PDZRN4: variants seen among roughly 807,000 people sequenced by gnomAD.
The protein encoded by PDZRN4 is PDZ domain containing ring finger 4, also known as PDZ domain-containing RING finger protein 4.
Under a neutral mutation model 99.0 loss-of-function variants are expected in PDZRN4, and 70 were observed. The ratio of observed to expected loss-of-function variants is 0.71; its 90% CI spans 0.58 to 0.86. PDZRN4 has a LOEUF of 0.86. PDZRN4 is among the 40% of genes least tolerant of loss of function. PDZRN4 has a pLI of 0.00. For synonymous variants in PDZRN4, 551 were observed against 501.6 expected, an observed-to-expected ratio of 1.10 and a Z score of -1.32; for missense variants, 1,474 against 1,331.2, an observed-to-expected ratio of 1.11 and a Z score of -1.67.
chr12:41,449,438 C>T (rs1248860120), intron 3 of PDZRN4, among the ~76,000 whole-genome samples: 2 of 152,126 alleles, frequency 1.3e-5, no homozygotes, highest in African/African-American at 2.4e-5. Flanking sequence ...AGGTGCATGA[C>T]TAAATACTAA....
At chr12:41,306,901 C>G (rs1433952507) in intron 3 of PDZRN4, among the ~76,000 whole-genome samples, 2 of 152,182 alleles carry the variant, frequency 1.3e-5, no homozygotes, top group African/African-American at 4.8e-5. Context: ...CTCCTCAGAA[C>G]AGCTTTTACC....
At chr12:41,482,512 G>T (rs1308102907) in intron 3 of PDZRN4, among the ~76,000 whole-genome samples, 1 of 152,082 alleles carries the variant, frequency 6.6e-6, no homozygotes, top group Admixed American at 6.6e-5. Context: ...ACTTAAAGTG[G>T]CAGGATCCAT....
At chr12:41,450,947 C>T (rs184322745) in intron 3 of PDZRN4, among the ~76,000 whole-genome samples, 1 of 151,892 alleles carries the variant, frequency 6.6e-6, no homozygotes, top group Non-Finnish European at 1.5e-5. Flanking sequence ...AAACAAACTA[C>T]ATATATGTAT....
chr12:41,348,254 G>C (rs1177412673), intron 3 of PDZRN4, among the ~76,000 whole-genome samples: 2 of 152,078 alleles, frequency 1.3e-5, no homozygotes, highest in African/African-American at 4.8e-5. Flanking sequence ...CTGTGCTGTA[G>C]AGCAGCACTT....
chr12:41,470,916 A>T (rs1472143262), intron 3 of PDZRN4, among the ~76,000 whole-genome samples: 1 of 152,228 alleles, frequency 6.6e-6, no homozygotes, highest in Non-Finnish European at 1.5e-5. Context: ...AGAACTAGCC[A>T]TAGCAGCCAT....
chr12:41,511,706 T>C (rs1592091585), intron 5 of PDZRN4, among the ~76,000 whole-genome samples: 1 of 152,164 alleles, frequency 6.6e-6, no homozygotes, highest in East Asian at 1.9e-4. Context: ...TGCCCAGTAC[T>C]CCTCAGTCTG....
chr12:41,325,688 T>A (rs1454219778), intron 3 of PDZRN4, among the ~76,000 whole-genome samples: 1 of 152,208 alleles, frequency 6.6e-6, no homozygotes, highest in Non-Finnish European at 1.5e-5. Context: ...AGTTTAACTA[T>A]TGATCTGTCT....
chr12:41,554,398 T>C (rs1939109127), intron 6 of PDZRN4, among the ~76,000 whole-genome samples: 1 of 152,180 alleles, frequency 6.6e-6, no homozygotes, highest in Non-Finnish European at 1.5e-5. Context: ...GATCTGAACA[T>C]ATGTACTTGG....
chr12:41,469,680 C>A (rs1042543788), intron 3 of PDZRN4, among the ~76,000 whole-genome samples: 3 of 152,116 alleles, frequency 2.0e-5, no homozygotes, highest in Admixed American at 6.5e-5. Flanking sequence ...GCCTGTAATC[C>A]CAGCACTTTG....
intron 1 of PDZRN4, among the ~76,000 whole-genome samples, chr12:41,189,747 C>T (rs1041848000): frequency 6.6e-6 from 1 of 152,146 alleles, no homozygotes; most frequent in African/African-American, 2.4e-5. Context: ...CTAAATAAGC[C>T]TTCCTTGCCT....
chr12:41,204,582 A>C (rs1031487245), intron 3 of PDZRN4, among the ~76,000 whole-genome samples: 5 of 152,028 alleles, frequency 3.3e-5, no homozygotes, highest in African/African-American at 1.2e-4. Flanking sequence ...CCTTCTTCAC[A>C]AGGCAGCAGG....
chr12:41,290,267 A>G (rs1215110256), intron 3 of PDZRN4, among the ~76,000 whole-genome samples: 1 of 152,208 alleles, frequency 6.6e-6, no homozygotes, highest in African/African-American at 2.4e-5. Context: ...CAAAATATCA[A>G]ATATGTTTAA....
chr12:41,340,779 T>C (rs1053622925), intron 3 of PDZRN4, among the ~76,000 whole-genome samples: 2 of 151,894 alleles, frequency 1.3e-5, no homozygotes, highest in African/African-American at 2.4e-5. Flanking sequence ...CACTGCTGAA[T>C]TCTTCCATAG....
At chr12:41,537,948 G>C (rs904374876) in intron 5 of PDZRN4, among the ~76,000 whole-genome samples, 16 of 152,024 alleles carry the variant, frequency 1.1e-4, no homozygotes, top group African/African-American at 3.9e-4. Flanking sequence ...CACTAAACTT[G>C]GCAGCTGAAA....
intron 3 of PDZRN4, among the ~76,000 whole-genome samples, chr12:41,458,253 G>A (rs1952834788): frequency 6.6e-6 from 1 of 152,170 alleles, no homozygotes; most frequent in African/African-American, 2.4e-5. Context: ...CACTTCCCAG[G>A]TTCAAGTGAT....
chr12:41,453,986 G>C (rs1036804554), intron 3 of PDZRN4, among the ~76,000 whole-genome samples: 1 of 116,516 alleles, frequency 8.6e-6, no homozygotes, highest in Non-Finnish European at 1.8e-5. Context: ...GTCAGGGATT[G>C]TTTTGGTGAA....
chr12:41,215,648 A>AT (rs59507546), intron 3 of PDZRN4, among the ~76,000 whole-genome samples: 53 of 151,910 alleles, frequency 3.5e-4, no homozygotes, highest in East Asian at 2.1e-3. Flanking sequence ...ACATTGTAGG[A>AT]TTTTTTTTAC....
intron 5 of PDZRN4, among the ~76,000 whole-genome samples, chr12:41,516,622 A>G (rs1482059951): frequency 6.6e-6 from 1 of 152,078 alleles, no homozygotes; most frequent in African/African-American, 2.4e-5. Flanking sequence ...TGCGTGTTTT[A>G]CCACAAATGC....
At chr12:41,552,635 C>G (rs761043313) in intron 5 of PDZRN4, 21 bp from the exon 6 acceptor site, 1 of 1,568,608 alleles carries the variant, frequency 6.4e-7, no homozygotes, top group South Asian at 1.1e-5. Flanking sequence ...TAAATGTCAT[C>G]TGTGTGTGTT....
Sources: gnomAD v4.1 joint callset for allele counts (sites outside exome capture counted in the v4.1 genomes callset) on GRCh38, gnomAD v4.1.1 for gene constraint, MANE v1.5 for transcripts, NCBI Gene and HGNC (gene_info 2026-07-23, HGNC 2026-07-21) for gene names.